Variants in LRMDA observed in about 807,000 individuals in gnomAD.
The protein encoded by LRMDA is leucine-rich melanocyte differentiation-associated protein.
A neutral mutation model predicts 29.8 loss-of-function variants in LRMDA; 18 were observed. That is an observed-to-expected ratio of 0.60 (90% CI 0.42 to 0.90). The LOEUF (loss-of-function observed/expected upper bound fraction) is 0.90, where lower values mean the gene tolerates loss of function less well. Among genes scored for constraint, LRMDA ranks in the 40% least tolerant of loss-of-function variants. The pLI is 0.00. For missense variants in LRMDA, 273 were observed against 273.9 expected (o/e 1.00, Z 0.02); for synonymous variants, 125 against 109.4 (o/e 1.14, Z -0.89).
At chr10:76,393,774 T>C (rs1419512676) in intron 6 of LRMDA, among the ~76,000 whole-genome samples, 1 of 152,198 alleles carries the variant, frequency 6.6e-6, no homozygotes, top group Non-Finnish European at 1.5e-5. Flanking sequence ...TGTTTCCTTC[T>C]AGTGGTTTCG....
chr10:76,053,505 G>A (rs1043479185), intron 4 of LRMDA, among the ~76,000 whole-genome samples: 5 of 143,682 alleles, frequency 3.5e-5, no homozygotes, highest in Non-Finnish European at 7.8e-5. Context: ...ATCCTCTCTT[G>A]TATTTTTATG....
At chr10:75,486,096 T>C (rs2132056941) in intron 2 of LRMDA, among the ~76,000 whole-genome samples, 1 of 152,356 alleles carries the variant, frequency 6.6e-6, no homozygotes, top group African/African-American at 2.4e-5. Flanking sequence ...TTTTGTGTTC[T>C]AGGTATTTTG....
At chr10:75,593,769 C>T (rs1564517926) in intron 2 of LRMDA, among the ~76,000 whole-genome samples, 1 of 151,936 alleles carries the variant, frequency 6.6e-6, no homozygotes, top group Non-Finnish European at 1.5e-5. Flanking sequence ...GATCCTGTCG[C>T]CCTTATTTCC....
chr10:75,698,251 C>T (rs1842263421), intron 2 of LRMDA, among the ~76,000 whole-genome samples: 2 of 151,966 alleles, frequency 1.3e-5, no homozygotes, highest in African/African-American at 4.8e-5. Context: ...ATTTGGATTC[C>T]AACCCCAGCT....
intron 2 of LRMDA, among the ~76,000 whole-genome samples, chr10:75,574,918 A>G (rs1840483729): frequency 6.6e-6 from 1 of 152,226 alleles, no homozygotes; most frequent in East Asian, 1.9e-4. Context: ...AAGAGGTTTA[A>G]TTGGCTCACT....
intron 5 of LRMDA, among the ~76,000 whole-genome samples, chr10:76,322,995 A>G (rs1335495083): frequency 6.6e-6 from 1 of 152,132 alleles, no homozygotes; most frequent in African/African-American, 2.4e-5. Context: ...TTTGGGCTCT[A>G]CATTCTTGCA....
At chr10:76,190,857 T>G (rs912628052) in intron 5 of LRMDA, among the ~76,000 whole-genome samples, 2 of 152,198 alleles carry the variant, frequency 1.3e-5, no homozygotes, top group Non-Finnish European at 2.9e-5. Context: ...GGCCGGGTAT[T>G]CAGCAGCACT....
chr10:76,176,651 G>T (rs571112467), intron 5 of LRMDA, among the ~76,000 whole-genome samples: 3 of 152,224 alleles, frequency 2.0e-5, no homozygotes, highest in Middle Eastern at 3.4e-3. Context: ...AAATTAGCCG[G>T]GTGTGGTGGC....
intron 5 of LRMDA, among the ~76,000 whole-genome samples, chr10:76,159,593 G>C (rs1295593773): frequency 6.6e-6 from 1 of 152,138 alleles, no homozygotes; most frequent in East Asian, 1.9e-4. Flanking sequence ...GGTGCTTATG[G>C]CAACTTTATT....
In LRMDA at chr10:75,867,910, A is replaced by G. The variant is rs552414692; in HGVS notation, c.132-168098A>G. Among the ~76,000 whole-genome samples, 27 of 152,298 alleles carry G rather than the reference A, an allele frequency of 1.8e-4. No individual in the cohort carries two copies. In the East Asian group the frequency reaches 1.9e-3, roughly 11 times the overall value. ...TGTAGTGTAAATGCAGTCACAGTCC[A>G]TTGTAAATGAATGGGCATGTCTGTG... is the stretch of plus-strand genomic sequence containing the variant. On this transcript the variant is annotated intron_variant, in intron 2 of 6. Transcript: ENST00000611255.
intron 5 of LRMDA, among the ~76,000 whole-genome samples, chr10:76,148,419 C>T (rs1011423041): frequency 1.3e-4 from 20 of 152,132 alleles, no homozygotes; most frequent in Non-Finnish European, 1.9e-4. Context: ...ACCTCGCTGC[C>T]GCCTTGCAGT....
chr10:76,526,639 A>T (rs1428580710), intron 6 of LRMDA, among the ~76,000 whole-genome samples: 3 of 152,072 alleles, frequency 2.0e-5, no homozygotes, highest in Non-Finnish European at 4.4e-5. Flanking sequence ...CATTTTTTGT[A>T]TACCTAATAA....
At chr10:75,771,833 G>A (rs1042137435) in intron 2 of LRMDA, among the ~76,000 whole-genome samples, 1 of 152,254 alleles carries the variant, frequency 6.6e-6, no homozygotes, top group Middle Eastern at 3.4e-3. Context: ...GGAAAGGCAG[G>A]TTGGGCAAGA....
intron 2 of LRMDA, among the ~76,000 whole-genome samples, chr10:75,760,802 T>C (rs1249462108): frequency 6.6e-6 from 1 of 152,204 alleles, no homozygotes; most frequent in African/African-American, 2.4e-5. Flanking sequence ...TTTGACATTC[T>C]TTGGCATCAG....
chr10:76,419,656 C>A (rs1348088569), intron 6 of LRMDA, among the ~76,000 whole-genome samples: 1 of 152,032 alleles, frequency 6.6e-6, no homozygotes, highest in African/African-American at 2.4e-5. Context: ...TCCATAATGG[C>A]TGTACCATTT....
chr10:76,176,205 C>T (rs1850930725), intron 5 of LRMDA, among the ~76,000 whole-genome samples: 1 of 152,172 alleles, frequency 6.6e-6, no homozygotes, highest in Non-Finnish European at 1.5e-5. Flanking sequence ...GCAGGCAGCT[C>T]ACATGACACT....
chr10:75,804,331 C>T (rs767563269), intron 2 of LRMDA, among the ~76,000 whole-genome samples: 24 of 152,174 alleles, frequency 1.6e-4, no homozygotes, highest in Non-Finnish European at 2.2e-4. Flanking sequence ...GAGTCGATAG[C>T]TCTCACCACA....
intron 2 of LRMDA, among the ~76,000 whole-genome samples, chr10:75,523,315 C>A (rs1845382048): frequency 6.6e-6 from 1 of 152,180 alleles, no homozygotes; most frequent in Non-Finnish European, 1.5e-5. Flanking sequence ...TGTTCCATGT[C>A]ATCCCATAAC....
chr10:76,391,329 T>TA (rs1339253434), intron 6 of LRMDA, among the ~76,000 whole-genome samples: 3 of 152,216 alleles, frequency 2.0e-5, no homozygotes, highest in African/African-American at 7.2e-5. Context: ...CCCTGACAGA[T>TA]AGCCTACAAT....
Sources: allele counts gnomAD v4.1 joint callset (sites outside exome capture counted in the v4.1 genomes callset), GRCh38; gene constraint gnomAD v4.1.1; transcripts MANE v1.5; gene names NCBI Gene and HGNC (gene_info 2026-07-23, HGNC 2026-07-21).